PLPP4: variants seen among roughly 807,000 people sequenced by gnomAD.
The protein encoded by PLPP4 is diacylglycerol pyrophosphate like 2.
Under a neutral mutation model 32.2 loss-of-function variants are expected in PLPP4, and 20 were observed. That is an observed-to-expected ratio of 0.62 (90% CI 0.44 to 0.90). The LOEUF (loss-of-function observed/expected upper bound fraction) is 0.90, where lower values mean the gene tolerates loss of function less well. PLPP4 is among the 40% of genes least tolerant of loss of function. The pLI is 0.00. For synonymous variants in PLPP4, 127 were observed against 133.0 expected (o/e 0.95, Z 0.31); for missense variants, 257 against 353.1 (o/e 0.73, Z 2.18).
intron 1 of PLPP4, among the ~76,000 whole-genome samples, chr10:120,465,367 T>C (rs1463432975): frequency 6.6e-6 from 1 of 152,144 alleles, no homozygotes; most frequent in Non-Finnish European, 1.5e-5. Context: ...TGAGAGGACC[T>C]GGGGCTGCAG....
At chr10:120,479,891 T>C (rs887347542) in intron 1 of PLPP4, among the ~76,000 whole-genome samples, 1 of 152,186 alleles carries the variant, frequency 6.6e-6, no homozygotes, top group Non-Finnish European at 1.5e-5. Context: ...TGTAATTATT[T>C]TGGTTTGTTT....
chr10:120,582,558 G>A (rs35138126), intron 6 of PLPP4, among the ~76,000 whole-genome samples: 6,880 of 110,450 alleles, frequency 0.062, 230 homozygotes, highest in Non-Finnish European at 0.09. Flanking sequence ...TAGGACTTCA[G>A]CATATCTTTC....
intron 5 of PLPP4, among the ~76,000 whole-genome samples, chr10:120,526,555 G>GT (rs1315736362): frequency 2.6e-5 from 4 of 152,124 alleles, no homozygotes; most frequent in African/African-American, 9.7e-5. Flanking sequence ...TCTGGAAGCT[G>GT]TGCAGAAGGG....
intron 1 of PLPP4, among the ~76,000 whole-genome samples, chr10:120,495,542 G>A (rs1456700230): frequency 6.6e-6 from 1 of 152,146 alleles, no homozygotes; most frequent in East Asian, 1.9e-4. Context: ...TGACTAGGGA[G>A]GAAAAATCAA....
chr10:120,580,955 G>A (rs531313239), intron 6 of PLPP4: 14 of 1,289,156 alleles, frequency 1.1e-5, no homozygotes, highest in East Asian at 5.6e-5. Context: ...GCCAACCCCC[G>A]CCTCTGTCTG....
intron 1 of PLPP4, among the ~76,000 whole-genome samples, chr10:120,487,851 C>T (rs935572924): frequency 2.6e-5 from 4 of 152,188 alleles, no homozygotes; most frequent in African/African-American, 4.8e-5. Flanking sequence ...AAGGATAGAA[C>T]GTGAATGTCC....
Position 120,468,685 on chromosome 10 carries a change from A to G in PLPP4, c.56+11324A>G, listed in dbSNP as rs1418861461. ...GAAATATTCCAGGATAGGGCACTGA[A>G]TGATTTTTTTGTGTTTGCTTTAGAA... On this transcript the variant is annotated intron_variant, in intron 1 of 6. Coordinates refer to ENST00000398250, the MANE Select transcript of PLPP4 (RefSeq NM_001030059.3). 3.0e-5 allele frequency among the ~76,000 whole-genome samples: 2 copies of G among 65,604 alleles called. 1 individual carries two copies. The highest frequency in any genetic ancestry group is 6.5e-5 in the African/African-American group (2 of 30,824). The allele number at this position is 65,604 out of a possible 152,430, so 43.0% of individuals were successfully genotyped here. A position where few individuals can be genotyped will look rare whatever the true frequency, so the allele number is the denominator to read the frequency against.
intron 1 of PLPP4, among the ~76,000 whole-genome samples, chr10:120,462,804 G>T (rs1380632474): frequency 1.3e-5 from 2 of 151,134 alleles, no homozygotes; most frequent in East Asian, 3.9e-4. Flanking sequence ...AAATACTTAT[G>T]TGCAGTCTAG....
chr10:120,550,380 A>C (rs918586693), intron 5 of PLPP4, among the ~76,000 whole-genome samples: 3 of 152,022 alleles, frequency 2.0e-5, no homozygotes, highest in African/African-American at 7.2e-5. Flanking sequence ...ATTTAAGTAT[A>C]GATTCAACAA....
At chr10:120,530,537 C>T (rs757099968) in intron 5 of PLPP4, among the ~76,000 whole-genome samples, 3 of 152,110 alleles carry the variant, frequency 2.0e-5, no homozygotes, top group Non-Finnish European at 4.4e-5. Flanking sequence ...GTATCACACA[C>T]GTTCTTTATC....
At chr10:120,514,046 A>G (rs1404325977) in intron 3 of PLPP4, 45 bp downstream of exon 3, 2 of 1,360,504 alleles carry the variant, frequency 1.5e-6, no homozygotes, top group Non-Finnish European at 2.1e-6. Context: ...GGCTGACCTT[A>G]ATTAGATGAT....
chr10:120,527,299 A>G (rs1846445038), intron 5 of PLPP4, among the ~76,000 whole-genome samples: 1 of 151,986 alleles, frequency 6.6e-6, no homozygotes, highest in Non-Finnish European at 1.5e-5. Flanking sequence ...AAATATGCGG[A>G]CCAGCAGGCT....
intron 5 of PLPP4, among the ~76,000 whole-genome samples, chr10:120,561,397 A>G (rs1183213379): frequency 6.6e-6 from 1 of 152,078 alleles, no homozygotes; most frequent in Non-Finnish European, 1.5e-5. Flanking sequence ...GACCTACAAC[A>G]TATCATGACC....
At chr10:120,575,359 G>T (rs1378078299) in intron 6 of PLPP4, 58 bp downstream of exon 6, 15 of 1,556,658 alleles carry the variant, frequency 9.6e-6, no homozygotes, top group African/African-American at 1.4e-5. Flanking sequence ...CTCCTCCAGG[G>T]ATGGGTGTAG....
intron 1 of PLPP4, among the ~76,000 whole-genome samples, chr10:120,463,110 CTCCGCCTCCTGGGT>C (rs1414122411): frequency 5.8e-4 from 87 of 150,650 alleles, no homozygotes; most frequent in African/African-American, 2.1e-3. Flanking sequence ...TCACTGCAAG[CTCCGCCTCCTGGGT>C]TCATGCCATT....
chr10:120,484,524 T>C (rs1034512013), intron 1 of PLPP4, among the ~76,000 whole-genome samples: 1 of 152,076 alleles, frequency 6.6e-6, no homozygotes, highest in Non-Finnish European at 1.5e-5. Context: ...AATTTGTGCT[T>C]TTATAAGGAA....
intron 2 of PLPP4, 103 bp downstream of exon 2, chr10:120,504,029 A>G (rs1294016257): frequency 2.6e-6 from 2 of 772,532 alleles, no homozygotes; most frequent in Non-Finnish European, 4.4e-6. Flanking sequence ...GGGTGGCCTG[A>G]GAGAAAGAGA....
At chr10:120,556,136 A>G (rs911117110) in intron 5 of PLPP4, among the ~76,000 whole-genome samples, 1 of 152,176 alleles carries the variant, frequency 6.6e-6, no homozygotes, top group Non-Finnish European at 1.5e-5. Context: ...CTTTAAATGT[A>G]TATGTATGTG....
chr10:120,498,775 C>A (rs1845094036), intron 1 of PLPP4, among the ~76,000 whole-genome samples: 1 of 151,910 alleles, frequency 6.6e-6, no homozygotes. Flanking sequence ...ATTCTCGTAC[C>A]TCAGTCTTCC....
Sources: gnomAD v4.1 joint callset for allele counts (sites outside exome capture counted in the v4.1 genomes callset) on GRCh38, gnomAD v4.1.1 for gene constraint, MANE v1.5 for transcripts, NCBI Gene and HGNC (gene_info 2026-07-23, HGNC 2026-07-21) for gene names.